Variants in XYLT1 observed in about 807,000 individuals in gnomAD.
XYLT1 encodes the protein xylosyltransferase 1.
In XYLT1, 36 loss-of-function variants were observed where a neutral mutation model predicts 91.3. The observed-to-expected ratio is 0.39, with a 90% CI of 0.30 to 0.52. The LOEUF is 0.52. Among genes scored for constraint, XYLT1 ranks in the 20% least tolerant of loss-of-function variants. XYLT1 has a pLI of 0.68. For missense variants in XYLT1, 1,242 were observed against 1,284.5 expected (o/e 0.97, Z 0.51); for synonymous variants, 588 against 532.0 (o/e 1.11, Z -1.45).
intron 9 of XYLT1, among the ~76,000 whole-genome samples, chr16:17,129,045 T>C (rs2030363139): frequency 7.0e-6 from 1 of 143,004 alleles, no homozygotes. Context: ...CATTGCCTTG[T>C]TACTGGGATG....
intron 3 of XYLT1, among the ~76,000 whole-genome samples, chr16:17,203,616 G>A (rs1042593837): frequency 6.6e-6 from 1 of 151,510 alleles, no homozygotes; most frequent in African/African-American, 2.4e-5. Flanking sequence ...ATTCGTTCAT[G>A]CATTTATTCA....
At chr16:17,366,745 A>C (rs1334976933) in intron 1 of XYLT1, among the ~76,000 whole-genome samples, 2 of 152,176 alleles carry the variant, frequency 1.3e-5, no homozygotes, top group Non-Finnish European at 2.9e-5. Context: ...TCCAGGAGGC[A>C]GGCACCAAAA....
intron 3 of XYLT1, among the ~76,000 whole-genome samples, chr16:17,252,028 G>A (rs1238402170): frequency 6.6e-6 from 1 of 152,092 alleles, no homozygotes; most frequent in Non-Finnish European, 1.5e-5. Context: ...CACCATCAAA[G>A]AAACCCTTTT....
At chr16:17,117,414 G>A (rs984702534) in intron 11 of XYLT1, among the ~76,000 whole-genome samples, 3 of 152,048 alleles carry the variant, frequency 2.0e-5, no homozygotes, top group Admixed American at 6.6e-5. Context: ...ATGGGGGAGC[G>A]TCTAACAAAT....
chr16:17,339,563 A>G (rs1398147048), intron 2 of XYLT1, among the ~76,000 whole-genome samples: 4 of 152,200 alleles, frequency 2.6e-5, no homozygotes, highest in Non-Finnish European at 4.4e-5. Flanking sequence ...CTGTACTTCA[A>G]TATAACCACT....
chr16:17,364,621 T>C (rs1017300506), intron 1 of XYLT1, among the ~76,000 whole-genome samples: 1 of 152,122 alleles, frequency 6.6e-6, no homozygotes. Flanking sequence ...ACTGAGCAAA[T>C]TTAGCTAATT....
chr16:17,161,235 T>C (rs2031542502), intron 5 of XYLT1, among the ~76,000 whole-genome samples: 1 of 152,194 alleles, frequency 6.6e-6, no homozygotes, highest in South Asian at 2.1e-4. Flanking sequence ...AATAGGCATT[T>C]AGCGAATTTA....
rs531400054 is a variant in XYLT1, at chr16:17,290,867, G to C, written c.403-31369C>G. 2.0e-5 allele frequency among the ~76,000 whole-genome samples: 3 copies of C among 152,194 alleles called. No homozygotes were observed. The South Asian group carries it at 6.2e-4, about 32-fold the overall frequency. ...AGATAGAGGTGGTTACAATGTCCTG[G>C]GGTGGATCAACACCCTGGCTCTGCC... On this transcript the variant is annotated intron_variant, in intron 2 of 11. Transcript: ENST00000261381.
chr16:17,118,104 C>T, intron 10 of XYLT1, 125 bp from the exon 11 acceptor site: 1 of 973,752 alleles, frequency 1.0e-6, no homozygotes, highest in Non-Finnish European at 1.5e-6. Flanking sequence ...ACTGAGGCTC[C>T]AACTAAGTCA....
chr16:17,272,151 TG>T (rs1475377489), intron 2 of XYLT1, among the ~76,000 whole-genome samples: 2 of 142,300 alleles, frequency 1.4e-5, no homozygotes, highest in Non-Finnish European at 3.0e-5. Flanking sequence ...TTTTTGTTGT[TG>T]GTTTTTTTTT....
intron 6 of XYLT1, among the ~76,000 whole-genome samples, chr16:17,153,662 A>T (rs1196102240): frequency 6.6e-6 from 1 of 152,154 alleles, no homozygotes; most frequent in Non-Finnish European, 1.5e-5. Flanking sequence ...TCATGGTTGG[A>T]GCAGCTAATT....
chr16:17,234,712 A>AAATAAATAAATAAATAAATAAACC (rs2033220748), intron 3 of XYLT1, among the ~76,000 whole-genome samples: 2 of 151,848 alleles, frequency 1.3e-5, no homozygotes, highest in Admixed American at 1.3e-4. Flanking sequence ...ATAAATAAAT[A>AAATAAATAAATAAATAAATAAACC]AATAAATAAA....
chr16:17,330,250 T>C (rs2034873878), intron 2 of XYLT1, among the ~76,000 whole-genome samples: 1 of 152,144 alleles, frequency 6.6e-6, no homozygotes, highest in South Asian at 2.1e-4. Context: ...AACAAATAAG[T>C]GCAAACAGCT....
rs150882507 is a variant in XYLT1 at position 17,110,468 on chromosome 16, C to T, written c.2558-1451G>A. Among the ~76,000 whole-genome samples, 89 of 152,286 alleles carry T rather than the reference C, an allele frequency of 5.8e-4. 1 individual carries two copies. The highest frequency in any genetic ancestry group is 1.9e-3 in the African/African-American group (81 of 41,560). On this transcript the variant is annotated intron_variant, in intron 11 of 11. Transcript: ENST00000261381. ...TTAAAGGGGAGTGTCCTTGCACAGG[C>T]GCTCTGGCCTGCCACCGTGTAAGAT... is the stretch of plus-strand genomic sequence containing the variant.
At chr16:17,400,355 C>T (rs1045791722) in intron 1 of XYLT1, among the ~76,000 whole-genome samples, 1 of 152,056 alleles carries the variant, frequency 6.6e-6, no homozygotes, top group African/African-American at 2.4e-5. Context: ...CTTTGGGAGG[C>T]CAAGGTGGGC....
chr16:17,326,263 C>A (rs1567375608), intron 2 of XYLT1, among the ~76,000 whole-genome samples: 1 of 152,170 alleles, frequency 6.6e-6, no homozygotes, highest in Non-Finnish European at 1.5e-5. Flanking sequence ...CCACAACTTA[C>A]TCGTCTTGCA....
intron 5 of XYLT1, among the ~76,000 whole-genome samples, chr16:17,192,088 C>T (rs79937125): frequency 7.0e-6 from 1 of 143,696 alleles, no homozygotes; most frequent in African/African-American, 2.6e-5. Context: ...GTCTCTCTCT[C>T]TCTCTTTTTT....
Position 17,435,833 on chromosome 16 carries a change from A to G in XYLT1, c.363+34601T>C, listed in dbSNP as rs1596544605. Among the ~76,000 whole-genome samples, 3 of 152,300 alleles carry G rather than the reference A, an allele frequency of 2.0e-5. No individual in the cohort carries two copies. In the South Asian group the frequency reaches 6.2e-4, roughly 32 times the overall value. ...GGGGTAGATGTTGTGCAGTTACTGA[A>G]GAATTTGTATGTACTATAGGAGGCA... On this transcript the variant is annotated intron_variant, in intron 1 of 11. Transcript: ENST00000261381.
chr16:17,457,124 A>G (rs1197431419), intron 1 of XYLT1, among the ~76,000 whole-genome samples: 1 of 152,184 alleles, frequency 6.6e-6, no homozygotes, highest in Admixed American at 6.5e-5. Flanking sequence ...GAATTTCTTA[A>G]TAGGCACTCT....
Sources: gnomAD v4.1 joint callset for allele counts (sites outside exome capture counted in the v4.1 genomes callset) on GRCh38, gnomAD v4.1.1 for gene constraint, MANE v1.5 for transcripts, NCBI Gene and HGNC (gene_info 2026-07-23, HGNC 2026-07-21) for gene names.